The following MED27 variants were observed in gnomAD, a reference collection of about 807,000 sequenced individuals.
MED27 encodes the protein mediator complex subunit 27, also known as mediator of RNA polymerase II transcription subunit 27.
A neutral mutation model predicts 38.2 loss-of-function variants in MED27; 30 were observed. The ratio of observed to expected loss-of-function variants is 0.79; its 90% CI spans 0.59 to 1.07. The LOEUF (loss-of-function observed/expected upper bound fraction) is 1.07, where lower values mean the gene tolerates loss of function less well. Ranked by LOEUF, MED27 falls within the 50% of genes least tolerant of loss-of-function variation. MED27 has a pLI of 0.00. For synonymous variants in MED27, 122 were observed against 153.5 expected (o/e 0.79, Z 1.52); for missense variants, 289 against 397.5 (o/e 0.73, Z 2.32).
intron 4 of MED27, among the ~76,000 whole-genome samples, chr9:131,910,694 A>C (rs1589204744): frequency 6.6e-6 from 1 of 152,218 alleles, no homozygotes; most frequent in East Asian, 1.9e-4. Context: ...ACACCGGCTA[A>C]GGTCACAGAC....
Position 131,889,371 on chromosome 9 carries a change from T to A in MED27, c.681+4514A>T, listed in dbSNP as rs6597534. Reference sequence around the variant, plus strand: ...AACATAACCTAAATCCCCCAAAAAGTTAAATTCGAACGAGACACATTTTTT... The same window carrying A: ...AACATAACCTAAATCCCCCAAAAAGATAAATTCGAACGAGACACATTTTTT... On this transcript the variant is annotated intron_variant, in intron 5 of 7. Transcript: ENST00000292035. This position sits in a 1 kb window ranked among gnomAD's most constrained non-coding sequence, Gnocchi z 4.2. Among the ~76,000 whole-genome samples, 130,217 of 152,210 alleles carry A rather than the reference T, an allele frequency of 0.86. 55,794 individuals carry two copies. The highest frequency in any genetic ancestry group is 0.88 in the Middle Eastern group (259 of 294).
In MED27 at chr9:131,872,548, A is replaced by G. The variant is rs1269913064; in HGVS notation, c.724-9408T>C. ...TCTCTTAGATCTGGGTGAAAGTGAC[A>G]AAAAGGCAGACAGAGGGGAACCGTA... On this transcript the variant is annotated intron_variant, in intron 6 of 7. Coordinates refer to ENST00000292035, the MANE Select transcript of MED27 (RefSeq NM_004269.4). The surrounding 1 kb of genome is among the most constrained non-coding windows in gnomAD (Gnocchi z 5.6). 6.6e-6 allele frequency among the ~76,000 whole-genome samples: 1 copy of G among 151,298 alleles called. No individual in the cohort carries two copies. Among genetic ancestry groups the G allele is most frequent in the Non-Finnish European group, 1.5e-5 (1 of 68,038 alleles).
At chr9:132,004,778 C>T (rs757195592) in intron 3 of MED27, among the ~76,000 whole-genome samples, 6 of 152,212 alleles carry the variant, frequency 3.9e-5, no homozygotes, top group Non-Finnish European at 7.3e-5. Context: ...GCAGTAGGAA[C>T]GCACGTCCAG....
At chr9:131,863,197 C>G (rs1212848407) in intron 6 of MED27, 57 bp from the exon 7 acceptor site, 2 of 1,438,988 alleles carry the variant, frequency 1.4e-6, no homozygotes, top group Non-Finnish European at 9.8e-7. Context: ...ATAGAGAAAA[C>G]AAGCAGGACA....
chr9:132,022,225 C>T (rs1343006696), intron 2 of MED27, among the ~76,000 whole-genome samples: 1 of 152,104 alleles, frequency 6.6e-6, no homozygotes, highest in African/African-American at 2.4e-5. Flanking sequence ...GTCAGATGCA[C>T]CATCATGTTC....
At chr9:131,886,249 G>A (rs968059205) in intron 5 of MED27, among the ~76,000 whole-genome samples, 20 of 152,158 alleles carry the variant, frequency 1.3e-4, no homozygotes, top group Admixed American at 3.9e-4. Flanking sequence ...ATTTCACTGT[G>A]TTTGAAAACT....
chr9:131,899,274 AAC>A (rs1257047505), intron 4 of MED27, among the ~76,000 whole-genome samples: 2 of 152,152 alleles, frequency 1.3e-5, no homozygotes, highest in African/African-American at 4.8e-5. Context: ...CTGCTGTCAC[AAC>A]TGGGGCTACA....
intron 2 of MED27, among the ~76,000 whole-genome samples, chr9:132,054,657 G>A (rs558018411): frequency 1.3e-5 from 2 of 152,140 alleles, no homozygotes; most frequent in East Asian, 3.9e-4. Context: ...AGATCCACTC[G>A]CCTCGGCCTC....
chr9:132,066,483 C>T (rs984768643), intron 2 of MED27, among the ~76,000 whole-genome samples: 1 of 152,214 alleles, frequency 6.6e-6, no homozygotes, highest in Non-Finnish European at 1.5e-5. Flanking sequence ...GACTTGCCAG[C>T]AAGTACTAGA....
chr9:132,018,440 G>A (rs1173366184), intron 2 of MED27, among the ~76,000 whole-genome samples: 5 of 152,196 alleles, frequency 3.3e-5, no homozygotes, highest in African/African-American at 4.8e-5. Flanking sequence ...GAAATCAGAT[G>A]AGCAATCACC....
intron 4 of MED27, 45 bp downstream of exon 4, chr9:131,939,336 A>AT: frequency 1.4e-6 from 2 of 1,383,870 alleles, no homozygotes; most frequent in East Asian, 2.4e-5. Flanking sequence ...TGTGAAGTCC[A>AT]TTTTTTCCCC....
At chr9:132,038,222 C>G (rs1276224088) in intron 2 of MED27, among the ~76,000 whole-genome samples, 2 of 125,992 alleles carry the variant, frequency 1.6e-5, no homozygotes, top group Non-Finnish European at 3.2e-5. Context: ...GACGGAGTCT[C>G]GCTCTGTCGC....
intron 6 of MED27, among the ~76,000 whole-genome samples, chr9:131,877,042 C>T (rs996388645): frequency 1.3e-5 from 2 of 152,150 alleles, no homozygotes; most frequent in African/African-American, 4.8e-5. Flanking sequence ...CTATAAAAGA[C>T]AGAAGGGCCT....
intron 3 of MED27, among the ~76,000 whole-genome samples, chr9:132,013,960 C>G (rs548169988): frequency 1.3e-5 from 2 of 152,254 alleles, no homozygotes; most frequent in Admixed American, 1.3e-4. Context: ...AATCCCAGCA[C>G]TTTGGGAGGC....
intron 2 of MED27, among the ~76,000 whole-genome samples, chr9:132,071,881 G>A (rs1022654568): frequency 6.0e-5 from 9 of 150,578 alleles, no homozygotes; most frequent in South Asian, 2.1e-4. Flanking sequence ...CGCATAACAC[G>A]CGCCCCATGG....
intron 2 of MED27, chr9:132,073,448 A>C (rs564196805): frequency 3.0e-5 from 34 of 1,129,180 alleles, no homozygotes; most frequent in Non-Finnish European, 3.6e-5. Context: ...GACTCCCAGC[A>C]AGGAACAAGA....
chr9:131,991,730 T>A (rs1009602238), intron 3 of MED27, among the ~76,000 whole-genome samples: 12 of 152,322 alleles, frequency 7.9e-5, no homozygotes, highest in African/African-American at 2.9e-4. Flanking sequence ...GTTTGTTTAT[T>A]TATTTATTTT....
chr9:132,034,653 T>G lies in MED27; in HGVS notation c.349-20186A>C, dbSNP rs1833034861. Among the ~76,000 whole-genome samples, 3 of 152,198 alleles carry G rather than the reference T, an allele frequency of 2.0e-5. No individual in the cohort carries two copies. In the East Asian group the frequency reaches 5.8e-4, roughly 29 times the overall value. On this transcript the variant is annotated intron_variant, in intron 2 of 7. Coordinates refer to ENST00000292035, the MANE Select transcript of MED27 (RefSeq NM_004269.4). ...TACCAGAAAGCCACGCCCTCCTGTC[T>G]CCTCAGCAATCTCATGTAATTCAGG...
At chr9:131,869,191 T>C (rs1351187173) in intron 6 of MED27, 1 of 985,244 alleles carries the variant, frequency 1.0e-6, no homozygotes, top group African/African-American at 1.7e-5. Flanking sequence ...CGCCATGTTT[T>C]CCCTCCTGTC....
Sources: gnomAD v4.1 joint callset for allele counts (sites outside exome capture counted in the v4.1 genomes callset) on GRCh38, gnomAD v4.1.1 for gene constraint, Gnocchi (gnomAD v3.1) non-coding constraint, MANE v1.5 for transcripts, NCBI Gene and HGNC (gene_info 2026-07-23, HGNC 2026-07-21) for gene names.